Variants in GRM8 observed in about 807,000 individuals in gnomAD.
GRM8 encodes metabotropic glutamate receptor 8.
In GRM8, 47 loss-of-function variants were observed where a neutral mutation model predicts 87.2. The ratio of observed to expected loss-of-function variants is 0.54; its 90% CI spans 0.43 to 0.69. The LOEUF is 0.69. GRM8 is among the 30% of genes least tolerant of loss of function. The pLI is 0.00. For missense variants in GRM8, 1,019 were observed against 1,139.2 expected (o/e 0.89, Z 1.52); for synonymous variants, 396 against 404.5 (o/e 0.98, Z 0.25).
At chr7:126,786,048 G>T (rs776469701) in intron 6 of GRM8, among the ~76,000 whole-genome samples, 1 of 152,068 alleles carries the variant, frequency 6.6e-6, no homozygotes, top group African/African-American at 2.4e-5. Context: ...ATTTATAAGA[G>T]AAATCTCTCC....
At chr7:127,202,463 C>A (rs1363966882) in intron 2 of GRM8, among the ~76,000 whole-genome samples, 1 of 152,212 alleles carries the variant, frequency 6.6e-6, no homozygotes, top group Non-Finnish European at 1.5e-5. Flanking sequence ...CAGGCATGAG[C>A]CACCTCACCC....
At chr7:126,895,785 A>AAAAACTG (rs1352020837) in intron 6 of GRM8, among the ~76,000 whole-genome samples, 1 of 152,102 alleles carries the variant, frequency 6.6e-6, no homozygotes, top group Non-Finnish European at 1.5e-5. Flanking sequence ...ACCCACTAGC[A>AAAAACTG]AAAACTACAT....
At chr7:126,802,781 C>A (rs1822866749) in intron 6 of GRM8, among the ~76,000 whole-genome samples, 1 of 152,158 alleles carries the variant, frequency 6.6e-6, no homozygotes, top group African/African-American at 2.4e-5. Context: ...GGAATAAAAC[C>A]ACAAAATTAA....
chr7:127,078,470 G>A (rs1822518035), intron 3 of GRM8, among the ~76,000 whole-genome samples: 1 of 152,258 alleles, frequency 6.6e-6, no homozygotes. Context: ...CCTGACAGAA[G>A]AGTGGCGATT....
At chr7:126,508,256 C>G (rs1356969474) in intron 9 of GRM8, among the ~76,000 whole-genome samples, 1 of 151,194 alleles carries the variant, frequency 6.6e-6, no homozygotes, top group Non-Finnish European at 1.5e-5. Flanking sequence ...CACTGGCACA[C>G]ACACACACAC....
chr7:126,873,888 A>G (rs1049783648), intron 6 of GRM8, among the ~76,000 whole-genome samples: 10 of 152,112 alleles, frequency 6.6e-5, no homozygotes, highest in Non-Finnish European at 1.5e-4. Context: ...GTGGACATTC[A>G]ATTGTTTTTT....
intron 6 of GRM8, among the ~76,000 whole-genome samples, chr7:126,808,264 G>A (rs1792961898): frequency 6.6e-6 from 1 of 152,128 alleles, no homozygotes; most frequent in African/African-American, 2.4e-5. Context: ...TAAGAGACCT[G>A]CAGATCAAAC....
At chr7:126,963,153 A>G (rs1456814314) in intron 3 of GRM8, among the ~76,000 whole-genome samples, 2 of 152,202 alleles carry the variant, frequency 1.3e-5, no homozygotes, top group African/African-American at 4.8e-5. Flanking sequence ...GTGAGACCAT[A>G]ATGACAAAAA....
chr7:127,022,474 T>C (rs1048396531), intron 3 of GRM8, among the ~76,000 whole-genome samples: 6 of 151,996 alleles, frequency 3.9e-5, no homozygotes, highest in Admixed American at 2.0e-4. Flanking sequence ...AGACCACTCA[T>C]GCACCCAACC....
intron 3 of GRM8, among the ~76,000 whole-genome samples, chr7:126,987,878 T>C (rs935174727): frequency 3.3e-5 from 5 of 152,138 alleles, no homozygotes; most frequent in Non-Finnish European, 5.9e-5. Context: ...ACACCTAAAA[T>C]AAATAGGTTT....
intron 7 of GRM8, among the ~76,000 whole-genome samples, chr7:126,766,159 A>G (rs1361567880): frequency 6.6e-6 from 1 of 152,120 alleles, no homozygotes; most frequent in Non-Finnish European, 1.5e-5. Context: ...TCTTTAAACC[A>G]TTGCTTAAGT....
chr7:126,446,243 T>C lies in GRM8; in HGVS notation c.2560A>G (p.Arg854Gly). Residue 854 changes from arginine (R) to glycine (G), a missense_variant, in exon 10 of 11, where the codon AGG (arginine) becomes GGG (glycine). Transcript: ENST00000339582. ...HPEQNVQKRK[R>G]SFKAVVTAAT... ...GCTGTCACCACAGCCTTGAAGCTCC[T>C]CTTGCGTTTTTGAACATTCTGTTCT... 1 of 1,613,112 alleles carries C rather than the reference T, an allele frequency of 6.2e-7. No homozygotes were observed. Among genetic ancestry groups the C allele is most frequent in the Non-Finnish European group, 8.5e-7 (1 of 1,179,428 alleles).
At chr7:127,089,039 G>C (rs17866746) in intron 3 of GRM8, among the ~76,000 whole-genome samples, 19 of 152,344 alleles carry the variant, frequency 1.2e-4, no homozygotes, top group African/African-American at 4.1e-4. Flanking sequence ...TGTCCACCTG[G>C]AGCCTCAGAA....
intron 7 of GRM8, among the ~76,000 whole-genome samples, chr7:126,618,994 C>T (rs1394494654): frequency 1.3e-5 from 2 of 152,094 alleles, no homozygotes; most frequent in African/African-American, 2.4e-5. Flanking sequence ...GAACTAGAAA[C>T]ACCATTTGAC....
intron 8 of GRM8, among the ~76,000 whole-genome samples, chr7:126,599,953 T>C (rs1482332156): frequency 2.6e-5 from 4 of 152,100 alleles, no homozygotes; most frequent in South Asian, 2.1e-4. Context: ...AATGAATATA[T>C]GAATGGATGA....
intron 7 of GRM8, among the ~76,000 whole-genome samples, chr7:126,689,948 G>A (rs1018262928): frequency 5.9e-5 from 9 of 152,276 alleles, no homozygotes; most frequent in African/African-American, 2.2e-4. Context: ...CTGTAAAGTG[G>A]GAGATTCTCT....
intron 7 of GRM8, among the ~76,000 whole-genome samples, chr7:126,617,183 C>T (rs1438220844): frequency 1.3e-5 from 2 of 152,196 alleles, no homozygotes. Context: ...CCACCATGAT[C>T]AAGTTGGCTT....
intron 6 of GRM8, among the ~76,000 whole-genome samples, chr7:126,861,578 T>A (rs2130815793): frequency 6.6e-6 from 1 of 152,156 alleles, no homozygotes; most frequent in South Asian, 2.1e-4. Context: ...ATTTTCATTT[T>A]TTTTTCTTAC....
At chr7:126,888,234 C>G (rs1018231082) in intron 6 of GRM8, among the ~76,000 whole-genome samples, 1 of 152,080 alleles carries the variant, frequency 6.6e-6, no homozygotes, top group African/African-American at 2.4e-5. Context: ...TTTTCACTTC[C>G]AAAGCTATCA....
Sources: allele counts gnomAD v4.1 joint callset (sites outside exome capture counted in the v4.1 genomes callset), GRCh38; gene constraint gnomAD v4.1.1; transcripts MANE v1.5; gene names NCBI Gene and HGNC (gene_info 2026-07-23, HGNC 2026-07-21).